ANKFN1: variants seen among roughly 807,000 people sequenced by gnomAD.
The protein encoded by ANKFN1 is ankyrin repeat and fibronectin type III domain containing 1.
ANKFN1 carries 74 observed loss-of-function variants against 108.7 expected under a neutral mutation model. The ratio of observed to expected loss-of-function variants is 0.68; its 90% confidence interval spans 0.56 to 0.83. The LOEUF (loss-of-function observed/expected upper bound fraction) is 0.83, where lower values mean the gene tolerates loss of function less well. Ranked by LOEUF, ANKFN1 falls within the 40% of genes least tolerant of loss-of-function variation. The pLI is 0.00. For synonymous variants in ANKFN1, 547 were observed against 516.2 expected, an observed-to-expected ratio of 1.06 and a Z score of -0.81; for missense variants, 1,505 against 1,382.3, an observed-to-expected ratio of 1.09 and a Z score of -1.41.
intron 8 of ANKFN1, among the ~76,000 whole-genome samples, chr17:56,382,606 T>G (rs1450449217): frequency 6.6e-6 from 1 of 152,048 alleles, no homozygotes; most frequent in Non-Finnish European, 1.5e-5. Context: ...GAGACACACA[T>G]AGGCTCAAAA....
intron 8 of ANKFN1, among the ~76,000 whole-genome samples, chr17:56,424,084 T>C (rs1003529141): frequency 6.6e-6 from 1 of 152,176 alleles, no homozygotes; most frequent in Non-Finnish European, 1.5e-5. Context: ...GTTACAATCC[T>C]TCTAAATATA....
intron 1 of ANKFN1, among the ~76,000 whole-genome samples, chr17:56,180,252 A>G (rs1446144012): frequency 6.6e-6 from 1 of 152,186 alleles, no homozygotes; most frequent in Non-Finnish European, 1.5e-5. Flanking sequence ...AGCTACAAGT[A>G]GAATACAGCC....
Position 56,440,463 on chromosome 17 carries a change from G to C in ANKFN1, c.1008+39G>C, listed in dbSNP as rs1181560219. The C allele has an allele frequency of 2.0e-6, 3 of 1,526,260 alleles. No individual in the cohort carries two copies. The South Asian group carries it at 3.4e-5, about 17-fold the overall frequency. 94.5% of individuals were successfully genotyped at this position (1,526,260 alleles called of 1,614,324 possible). On this transcript the variant is annotated intron_variant, in intron 9 of 20. Coordinates refer to ENST00000682825, the MANE Select transcript of ANKFN1 (RefSeq NM_001370326.1). ...GTAGACTTTTCATTTCCCTATTGCT[G>C]ATATTTGTGCTGGGATATCAGTAGC...
chr17:56,165,458 T>C (rs1461506344), intron 1 of ANKFN1, among the ~76,000 whole-genome samples: 1 of 152,136 alleles, frequency 6.6e-6, no homozygotes, highest in Non-Finnish European at 1.5e-5. Context: ...GTGAAGTAGA[T>C]CTGCCAAAAG....
intron 8 of ANKFN1, among the ~76,000 whole-genome samples, chr17:56,399,179 C>A (rs2047675618): frequency 6.6e-6 from 1 of 151,982 alleles, no homozygotes; most frequent in Non-Finnish European, 1.5e-5. Flanking sequence ...TATATCATGC[C>A]ATAGTTAACA....
chr17:56,454,248 C>A (rs367816691), intron 11 of ANKFN1, among the ~76,000 whole-genome samples: 2 of 152,018 alleles, frequency 1.3e-5, no homozygotes, highest in Non-Finnish European at 1.5e-5. Flanking sequence ...GCCTTCTATT[C>A]GGTTTCTTAG....
intron 3 of ANKFN1, among the ~76,000 whole-genome samples, chr17:56,295,321 CAG>C (rs929482093): frequency 1.3e-5 from 2 of 152,194 alleles, no homozygotes; most frequent in Non-Finnish European, 2.9e-5. Flanking sequence ...AATATTGTGG[CAG>C]AGTCTCCTTT....
intron 4 of ANKFN1, among the ~76,000 whole-genome samples, chr17:56,129,857 G>A (rs1907172752): frequency 6.6e-6 from 1 of 152,110 alleles, no homozygotes; most frequent in East Asian, 1.9e-4. Context: ...ATCATTTGTT[G>A]AACAAATTCA....
intron 1 of ANKFN1, among the ~76,000 whole-genome samples, chr17:56,180,289 TTCTA>T (rs1306691296): frequency 6.6e-6 from 1 of 152,192 alleles, no homozygotes; most frequent in Non-Finnish European, 1.5e-5. Context: ...CCATTCTTTG[TTCTA>T]TCTGTTGCTA....
At chr17:56,057,094 G>A (rs937960037) in intron 4 of ANKFN1, among the ~76,000 whole-genome samples, 1 of 152,194 alleles carries the variant, frequency 6.6e-6, no homozygotes, top group Non-Finnish European at 1.5e-5. Context: ...CTTTGCTCAT[G>A]CATAAGAAAC....
In ANKFN1 at chr17:56,510,591, T is replaced by C; in HGVS notation, c.2763T>C (p.Ser921=). ...PRDLDLVYLS[S]HDIAQQTLSG... The stretch of plus-strand genomic sequence containing the variant: ...ACCTGGACCTGGTCTACCTATCATC[T>C]CACGACATTGCGCAGCAGACCCTTA... The change falls in exon 21 of 21, where the codon TCT becomes TCC. Residue 921 remains serine, a synonymous_variant. Transcript: ENST00000682825. 1.3e-6 allele frequency: 2 copies of C among 1,536,112 alleles called. No individual in the cohort carries two copies. The highest frequency in any genetic ancestry group is 1.7e-6 in the Non-Finnish European group (2 of 1,146,898).
At chr17:56,131,384 G>C (rs921812737) in intron 4 of ANKFN1, among the ~76,000 whole-genome samples, 5 of 152,160 alleles carry the variant, frequency 3.3e-5, no homozygotes, top group African/African-American at 9.7e-5. Context: ...GGAGATCTGA[G>C]GACTGTCTAA....
At chr17:56,220,269 G>A (rs943345987) in intron 2 of ANKFN1, among the ~76,000 whole-genome samples, 3 of 152,176 alleles carry the variant, frequency 2.0e-5, no homozygotes, top group South Asian at 2.1e-4. Flanking sequence ...ATAATAAAAT[G>A]ATAAAACAGT....
chr17:56,439,224 GT>G (rs896531468), intron 8 of ANKFN1, among the ~76,000 whole-genome samples: 70 of 152,258 alleles, frequency 4.6e-4, no homozygotes, highest in African/African-American at 1.7e-3. Context: ...TTTGGAGATG[GT>G]TTGATTTTGA....
chr17:56,446,271 C>T (rs189297923), intron 10 of ANKFN1, among the ~76,000 whole-genome samples: 10 of 152,210 alleles, frequency 6.6e-5, no homozygotes, highest in East Asian at 1.9e-4. Context: ...TGTTCAGGGA[C>T]GCGTAGTAAT....
At chr17:56,474,403 C>G (rs1330290946) in intron 15 of ANKFN1, among the ~76,000 whole-genome samples, 1 of 152,212 alleles carries the variant, frequency 6.6e-6, no homozygotes, top group African/African-American at 2.4e-5. Flanking sequence ...ATGATTTGCT[C>G]TCACAGAACC....
At chr17:56,149,129 G>A (rs572222365), upstream of ANKFN1, among the ~76,000 whole-genome samples, 62 of 152,230 alleles carry the variant, frequency 4.1e-4, 1 homozygote, top group South Asian at 9.4e-3. Flanking sequence ...AGGCAGTGGC[G>A]GGGTGGGTGA....
intron 3 of ANKFN1, among the ~76,000 whole-genome samples, chr17:56,318,691 G>A (rs1472431595): frequency 1.3e-5 from 2 of 152,138 alleles, no homozygotes; most frequent in South Asian, 2.1e-4. Context: ...TGTCTTCAGG[G>A]CCACCTTCCT....
At chr17:56,141,156 C>T (rs1281413439) in intron 4 of ANKFN1, among the ~76,000 whole-genome samples, 2 of 152,208 alleles carry the variant, frequency 1.3e-5, no homozygotes, top group Admixed American at 1.3e-4. Flanking sequence ...CAATCCACCT[C>T]TCTTGTTAGC....
Sources: allele counts gnomAD v4.1 joint callset (sites outside exome capture counted in the v4.1 genomes callset), GRCh38; gene constraint gnomAD v4.1.1; transcripts MANE v1.5; gene names NCBI Gene and HGNC (gene_info 2026-07-23, HGNC 2026-07-21).